Variants in MED23 observed in about 807,000 individuals in gnomAD.
MED23 encodes mediator of RNA polymerase II transcription subunit 23.
In MED23, 105 loss-of-function variants were observed where a neutral mutation model predicts 163.9. That is an observed-to-expected ratio of 0.64 (90% CI 0.55 to 0.75). The LOEUF (loss-of-function observed/expected upper bound fraction) is 0.75. Among genes scored for constraint, MED23 ranks in the 30% least tolerant of loss-of-function variants. The pLI is 0.00. For synonymous variants in MED23, 561 were observed against 565.6 expected (o/e 0.99, Z 0.12); for missense variants, 1,054 against 1,649.0 (o/e 0.64, Z 6.25).
At chr6:131,602,810 G>A (rs1775582208) in intron 16 of MED23, among the ~76,000 whole-genome samples, 2 of 151,986 alleles carry the variant, frequency 1.3e-5, no homozygotes, top group African/African-American at 4.8e-5. Flanking sequence ...TCAGTCCAAA[G>A]ATCCTGAAGG....
At chr6:131,618,159 C>T (rs985665802) in intron 9 of MED23, among the ~76,000 whole-genome samples, 9 of 152,238 alleles carry the variant, frequency 5.9e-5, no homozygotes, top group African/African-American at 2.2e-4. Context: ...TTCAGTTTGC[C>T]ATTTAAAATT....
chr6:131,600,212 A>G (rs1775363256), intron 17 of MED23, 50 bp from the exon 18 acceptor site: 4 of 1,506,116 alleles, frequency 2.7e-6, no homozygotes, highest in Non-Finnish European at 3.7e-6. Flanking sequence ...TTATATCCAC[A>G]ATTCATAAAA....
intron 27 of MED23, among the ~76,000 whole-genome samples, 169 bp downstream of exon 27, chr6:131,590,153 C>A (rs1413643118): frequency 4.6e-5 from 7 of 152,176 alleles, no homozygotes. Flanking sequence ...TACATCCCAC[C>A]CTAAATTCAT....
intron 21 of MED23, 160 bp from the exon 22 acceptor site, chr6:131,596,323 A>T (rs1775044641): frequency 2.3e-6 from 2 of 855,342 alleles, no homozygotes; most frequent in African/African-American, 3.4e-5. Flanking sequence ...CCTTATGTCC[A>T]CTAAAACTGC....
chr6:131,604,257 C>T lies in MED23; in HGVS notation c.1677G>A (p.Leu559=). Residue 559 remains leucine (L), a synonymous_variant, in exon 15 of 29, where the codon TTG becomes TTA. Transcript: ENST00000368068. ...TGTAAGTTTCCACTAGGGCTGGAGC[C>T]AAGGCCACACTGGACTTTGCATGAG... ...KLAHAKSSVA[L]APALVETYSR... The T allele has an allele frequency of 6.2e-7, 1 of 1,613,802 alleles. No homozygotes were observed. The highest frequency in any genetic ancestry group is 8.5e-7 in the Non-Finnish European group (1 of 1,179,796).
rs1777555834 is a variant in MED23 at position 131,627,099 on chromosome 6, G to A, written c.159+297C>T. On this transcript the variant is annotated intron_variant, in intron 3 of 28. Coordinates refer to ENST00000368068, the MANE Select transcript of MED23 (RefSeq NM_004830.4). ...AAGCTTAACATATCTGTTTTCAAGTGTACCAAATAAATCCGAATAGGATGA... is the reference window on the plus strand; with the variant it reads ...AAGCTTAACATATCTGTTTTCAAGTATACCAAATAAATCCGAATAGGATGA... The A allele has an allele frequency of 3.7e-5, 12 of 323,606 alleles. No individual in the cohort carries two copies. In the South Asian group the frequency reaches 6.0e-4, roughly 16 times the overall value. 20.0% of individuals were successfully genotyped at this position (323,606 alleles called of 1,614,324 possible).
At chr6:131,605,158 C>T (rs1775766883) in intron 14 of MED23, 82 bp downstream of exon 14, 2 of 1,432,946 alleles carry the variant, frequency 1.4e-6, no homozygotes, top group Non-Finnish European at 1.9e-6. Flanking sequence ...AAATAATACG[C>T]ACATAAAATC....
At chr6:131,602,584 C>G (rs958540822) in intron 16 of MED23, among the ~76,000 whole-genome samples, 2 of 152,122 alleles carry the variant, frequency 1.3e-5, no homozygotes, top group Non-Finnish European at 2.9e-5. Context: ...ACTTTTTACA[C>G]ATTTGAAAAA....
chr6:131,627,676 T>TTAA lies in MED23; in HGVS notation c.40-5_40-4insTTA. Reference sequence around the variant, plus strand: ...CCTCTTCTATAACTTCCGTTTTCTGTAAAAAAAAAAAAAACAAAATGTAAA... The same window carrying TTAA: ...CCTCTTCTATAACTTCCGTTTTCTGTTAAAAAAAAAAAAAAAACAAAATGTAAA... On this transcript the variant is annotated splice_region_variant and splice_polypyrimidine_tract_variant and intron_variant, in intron 1 of 28. Transcript: ENST00000368068. The TTAA allele has an allele frequency of 6.9e-7, 1 of 1,458,978 alleles. No individual in the cohort carries two copies. Among genetic ancestry groups the TTAA allele is most frequent in the Non-Finnish European group, 9.4e-7 (1 of 1,069,282 alleles). 90.4% of individuals were successfully genotyped at this position (1,458,978 alleles called of 1,614,324 possible).
chr6:131,614,838 TTTTTG>T (rs1776542874), intron 10 of MED23, among the ~76,000 whole-genome samples: 1 of 151,912 alleles, frequency 6.6e-6, no homozygotes, highest in Non-Finnish European at 1.5e-5. Flanking sequence ...TTTTAATTTG[TTTTTG>T]TTTTAAGGCA....
intron 8 of MED23, among the ~76,000 whole-genome samples, chr6:131,618,842 T>C (rs1776882143): frequency 6.6e-6 from 1 of 152,248 alleles, no homozygotes; most frequent in African/African-American, 2.4e-5. Context: ...ACCACTGCTT[T>C]TGCAGTCCAA....
At chr6:131,617,207 C>T (rs2114736230) in intron 9 of MED23, among the ~76,000 whole-genome samples, 1 of 150,968 alleles carries the variant, frequency 6.6e-6, no homozygotes, top group South Asian at 2.1e-4. Context: ...CTTTCTAGAG[C>T]ACATCGTTTT....
In MED23 at chr6:131,594,328, T is replaced by C; in HGVS notation, c.3003A>G (p.Pro1001=). 1.9e-6 allele frequency: 3 copies of C among 1,612,316 alleles called. No individual in the cohort carries two copies. Among genetic ancestry groups the C allele is most frequent in the Non-Finnish European group, 1.7e-6 (2 of 1,178,388 alleles). ...LGGLYKFHDR[P]VTYLYNTLHY... Reference sequence around the variant, plus strand: ...GCAGAGTGTTATACAGATAAGTCACTGGACGATCTGCCAAGAAAAAAACAT... The same window carrying C: ...GCAGAGTGTTATACAGATAAGTCACCGGACGATCTGCCAAGAAAAAAACAT... The change falls in exon 23 of 29, where the codon CCA becomes CCG. Residue 1001 remains proline, a synonymous_variant. Coordinates refer to ENST00000368068, the MANE Select transcript of MED23 (RefSeq NM_004830.4).
At chr6:131,625,843 C>T (rs1333312535) in intron 3 of MED23, among the ~76,000 whole-genome samples, 2 of 152,014 alleles carry the variant, frequency 1.3e-5, no homozygotes, top group Non-Finnish European at 2.9e-5. Context: ...ATACTCTCAG[C>T]CGGGCGCGGT....
At chr6:131,596,424 C>T in intron 21 of MED23, 94 bp downstream of exon 21, 3 of 1,391,430 alleles carry the variant, frequency 2.2e-6, no homozygotes, top group South Asian at 1.2e-5. Context: ...AGAGAAAAAA[C>T]ATTAGAACCA....
Position 131,581,283 on chromosome 6 carries a change from G to T in MED23, c.4095+6426C>A, listed in dbSNP as rs1773910245. 1 of 1,613,760 alleles carries T rather than the reference G, an allele frequency of 6.2e-7. No individual in the cohort carries two copies. The highest frequency in any genetic ancestry group is 2.2e-5 in the East Asian group (1 of 44,884). On this transcript the variant is annotated intron_variant, in intron 30 of 30. Transcript: ENST00000354577. Reference sequence around the variant, plus strand: ...CCCTGATCTTGGAGTCATCTGGGTGGATGCTCACACTGATATCAACACTCC... The same window carrying T: ...CCCTGATCTTGGAGTCATCTGGGTGTATGCTCACACTGATATCAACACTCC...
At chr6:131,584,546 C>G (rs1774104978), downstream of MED23, among the ~76,000 whole-genome samples, 2 of 152,140 alleles carry the variant, frequency 1.3e-5, no homozygotes, top group Non-Finnish European at 2.9e-5. Flanking sequence ...GTTTCTTCAA[C>G]TGTAAAATGG....
chr6:131,612,404 C>T (rs1776345278), intron 10 of MED23, among the ~76,000 whole-genome samples: 1 of 151,974 alleles, frequency 6.6e-6, no homozygotes. Flanking sequence ...CTCTCTACTA[C>T]ATAGCAGATG....
At chr6:131,591,836 C>T (rs1379653720) in intron 25 of MED23, 5 of 316,496 alleles carry the variant, frequency 1.6e-5, no homozygotes, top group Non-Finnish European at 2.3e-5. Flanking sequence ...AAATAATAAA[C>T]TTTAAAAAAA....
Sources: allele counts gnomAD v4.1 joint callset (sites outside exome capture counted in the v4.1 genomes callset), GRCh38; gene constraint gnomAD v4.1.1; transcripts MANE v1.5; gene names NCBI Gene and HGNC (gene_info 2026-07-23, HGNC 2026-07-21).